Variants in DGKB observed in about 807,000 individuals in gnomAD.
DGKB encodes 90 kDa diacylglycerol kinase.
DGKB carries 67 observed loss-of-function variants against 114.3 expected under a neutral mutation model. The observed-to-expected ratio is 0.59, with a 90% CI of 0.48 to 0.72. The LOEUF (loss-of-function observed/expected upper bound fraction) is 0.72. Among genes scored for constraint, DGKB ranks in the 30% least tolerant of loss-of-function variants. The pLI is 0.00. For synonymous variants in DGKB, 398 were observed against 323.1 expected, an observed-to-expected ratio of 1.23 and a Z score of -2.49; for missense variants, 907 against 975.2, an observed-to-expected ratio of 0.93 and a Z score of 0.93.
intron 1 of DGKB, among the ~76,000 whole-genome samples, chr7:14,909,330 G>C (rs1783867156): frequency 6.6e-6 from 1 of 152,108 alleles, no homozygotes; most frequent in Non-Finnish European, 1.5e-5. Context: ...GAAAGATGCT[G>C]AAAGAGGGGT....
chr7:14,178,786 A>G (rs1782198663), intron 23 of DGKB, among the ~76,000 whole-genome samples: 1 of 152,140 alleles, frequency 6.6e-6, no homozygotes, highest in Non-Finnish European at 1.5e-5. Context: ...ATACTAGATA[A>G]TTAGTCCCAT....
At chr7:14,227,390 T>C (rs533467024) in intron 23 of DGKB, among the ~76,000 whole-genome samples, 1 of 152,140 alleles carries the variant, frequency 6.6e-6, no homozygotes, top group African/African-American at 2.4e-5. Context: ...ATTTCCTAAA[T>C]ATGCAAACTA....
intron 25 of DGKB, among the ~76,000 whole-genome samples, chr7:14,161,504 C>CA (rs1183101888): frequency 1.3e-5 from 2 of 152,102 alleles, no homozygotes; most frequent in Non-Finnish European, 2.9e-5. Flanking sequence ...TGAATGAGTT[C>CA]ATGTCTTTGC....
intron 21 of DGKB, among the ~76,000 whole-genome samples, chr7:14,369,907 T>C (rs1817350189): frequency 1.3e-5 from 2 of 152,316 alleles, no homozygotes; most frequent in South Asian, 2.1e-4. Flanking sequence ...AAAAGAACTA[T>C]CTGATTATAG....
chr7:14,284,085 A>C (rs986592493), intron 23 of DGKB, among the ~76,000 whole-genome samples: 1 of 152,000 alleles, frequency 6.6e-6, no homozygotes, highest in South Asian at 2.1e-4. Flanking sequence ...GCAACCTACA[A>C]AATGGGAGAA....
intron 2 of DGKB, among the ~76,000 whole-genome samples, chr7:14,796,472 G>T (rs1371222456): frequency 6.6e-6 from 1 of 152,074 alleles, no homozygotes; most frequent in Admixed American, 6.6e-5. Context: ...AAACAAGTGG[G>T]ATAGAGATAC....
At chr7:14,296,295 G>A (rs1802548507) in intron 23 of DGKB, among the ~76,000 whole-genome samples, 1 of 152,094 alleles carries the variant, frequency 6.6e-6, no homozygotes, top group Admixed American at 6.6e-5. Flanking sequence ...CTCCCAAAGT[G>A]CTGGTATTAC....
intron 17 of DGKB, among the ~76,000 whole-genome samples, chr7:14,593,096 GA>G (rs1240551409): frequency 2.0e-5 from 3 of 151,898 alleles, no homozygotes; most frequent in Middle Eastern, 3.2e-3. Flanking sequence ...ATAAGTTTTA[GA>G]GTATTTGAAA....
At chr7:14,308,119 A>G (rs1804783231) in intron 23 of DGKB, among the ~76,000 whole-genome samples, 2 of 152,096 alleles carry the variant, frequency 1.3e-5, no homozygotes, top group South Asian at 2.1e-4. Context: ...GTACTTCAAG[A>G]ATGTATATAT....
intron 13 of DGKB, among the ~76,000 whole-genome samples, chr7:14,643,601 C>T (rs1812277617): frequency 6.6e-6 from 1 of 152,066 alleles, no homozygotes; most frequent in Admixed American, 6.5e-5. Flanking sequence ...CATGTAGCTC[C>T]CTGTACTCCA....
intron 5 of DGKB, among the ~76,000 whole-genome samples, chr7:14,724,093 T>C (rs1349806239): frequency 6.6e-6 from 1 of 152,162 alleles, no homozygotes; most frequent in Non-Finnish European, 1.5e-5. Flanking sequence ...AACAATAACA[T>C]GGATCACATT....
intron 20 of DGKB, among the ~76,000 whole-genome samples, chr7:14,566,736 A>ATGGAG (rs1447108105): frequency 7.9e-5 from 12 of 152,218 alleles, no homozygotes; most frequent in African/African-American, 2.9e-4. Context: ...TGCTCCAGGC[A>ATGGAG]CATTGACCTA....
intron 1 of DGKB, among the ~76,000 whole-genome samples, chr7:14,847,285 CG>C (rs1216907638): frequency 1.7e-5 from 2 of 116,418 alleles, no homozygotes; most frequent in East Asian, 4.5e-4. Context: ...AGCGAGACTC[CG>C]TCTCAAAAAA....
Position 14,393,543 on chromosome 7 carries a change from A to G in DGKB, c.1836-48152T>C, listed in dbSNP as rs541765748. On this transcript the variant is annotated intron_variant, in intron 21 of 25. Coordinates refer to ENST00000402815, the MANE Select transcript of DGKB (RefSeq NM_001350709.2). ...TCTTTAATTTTGCATCTTGGACTGC[A>G]AAGTATGAGAATTCATTATCTGGCC... 4.6e-5 allele frequency among the ~76,000 whole-genome samples: 7 copies of G among 152,234 alleles called. No individual in the cohort carries two copies. The East Asian group carries it at 1.3e-3, about 29-fold the overall frequency.
At chr7:14,165,863 T>C (rs546668833) in intron 25 of DGKB, among the ~76,000 whole-genome samples, 4 of 152,326 alleles carry the variant, frequency 2.6e-5, no homozygotes, top group Admixed American at 1.3e-4. Context: ...AGGAGTCTCA[T>C]TGGACTACTG....
intron 23 of DGKB, among the ~76,000 whole-genome samples, chr7:14,256,383 AT>A (rs1278482199): frequency 2.6e-5 from 4 of 151,806 alleles, no homozygotes; most frequent in Non-Finnish European, 4.4e-5. Flanking sequence ...TACTTTTATA[AT>A]TTTCCCTTTA....
chr7:14,279,032 A>C (rs530821526), intron 23 of DGKB, among the ~76,000 whole-genome samples: 30 of 152,248 alleles, frequency 2.0e-4, no homozygotes, highest in Non-Finnish European at 2.9e-4. Flanking sequence ...ACGCACCGTG[A>C]GCGAGCCGAA....
intron 1 of DGKB, among the ~76,000 whole-genome samples, chr7:14,957,011 CACAA>C (rs1786545166): frequency 6.6e-6 from 1 of 151,910 alleles, no homozygotes; most frequent in South Asian, 2.1e-4. Context: ...GTCAGTCATA[CACAA>C]ACATTTTTCA....
At chr7:14,309,865 G>C (rs143754812) in intron 23 of DGKB, among the ~76,000 whole-genome samples, 13 of 152,314 alleles carry the variant, frequency 8.5e-5, no homozygotes, top group Admixed American at 7.8e-4. Flanking sequence ...TGCAGGAAGA[G>C]TACACAGAGT....
Sources: allele counts gnomAD v4.1 joint callset (sites outside exome capture counted in the v4.1 genomes callset), GRCh38; gene constraint gnomAD v4.1.1; transcripts MANE v1.5; gene names NCBI Gene and HGNC (gene_info 2026-07-23, HGNC 2026-07-21).